PIP5K1B: variants seen among roughly 807,000 people sequenced by gnomAD.
PIP5K1B encodes the protein phosphatidylinositol 4-phosphate 5-kinase type-1 beta.
In PIP5K1B, 42 loss-of-function variants were observed where a neutral mutation model predicts 67.0. The ratio of observed to expected loss-of-function variants is 0.63; its 90% confidence interval spans 0.49 to 0.81. The LOEUF is 0.81. Ranked by LOEUF, PIP5K1B falls within the 30% of genes least tolerant of loss-of-function variation. The probability of loss-of-function intolerance (pLI) is 0.00; values close to 1 mark genes in which losing one functional copy is unlikely to be tolerated. For synonymous variants in PIP5K1B, 214 were observed against 231.4 expected, an observed-to-expected ratio of 0.92 and a Z score of 0.68; for missense variants, 459 against 646.3, an observed-to-expected ratio of 0.71 and a Z score of 3.14.
At chr9:68,991,056 A>G in intron 14 of PIP5K1B, 84 bp from the exon 15 acceptor site, 1 of 783,806 alleles carries the variant, frequency 1.3e-6, no homozygotes, top group East Asian at 2.4e-5. Context: ...AAAGCTGCCC[A>G]CCTCACCCTC....
intron 8 of PIP5K1B, among the ~76,000 whole-genome samples, chr9:68,904,082 AG>A (rs935157829): frequency 4.6e-5 from 7 of 152,222 alleles, no homozygotes; most frequent in Non-Finnish European, 8.8e-5. Flanking sequence ...TGACAGATAA[AG>A]AAGTGAATCC....
rs183387059 is a variant in PIP5K1B, at chr9:68,793,382, G to A, written c.-85-25079G>A. 2.6e-5 allele frequency among the ~76,000 whole-genome samples: 4 copies of A among 152,266 alleles called. No homozygotes were observed. In the East Asian group the frequency reaches 5.8e-4, roughly 22 times the overall value. ...GAATAGACTCTGAGGGCGTGGTAGA[G>A]GCAGGGGGACCAATTAGGAGGCTAT... On this transcript the variant is annotated intron_variant, in intron 2 of 15. Coordinates refer to ENST00000265382, the MANE Select transcript of PIP5K1B (RefSeq NM_003558.4).
At chr9:68,875,696 T>C (rs1217870667) in intron 5 of PIP5K1B, among the ~76,000 whole-genome samples, 1 of 152,218 alleles carries the variant, frequency 6.6e-6, no homozygotes, top group Non-Finnish European at 1.5e-5. Flanking sequence ...TAAACTTGCA[T>C]AGGCTCTCAA....
intron 14 of PIP5K1B, among the ~76,000 whole-genome samples, chr9:68,946,282 C>G (rs1022219679): frequency 1.3e-5 from 2 of 152,234 alleles, no homozygotes; most frequent in Non-Finnish European, 2.9e-5. Context: ...TTGCAGCTAC[C>G]TGCCATACCT....
In PIP5K1B at chr9:68,773,786, A is replaced by G. The variant is rs934101330; in HGVS notation, c.-86+31129A>G. 1.6e-4 allele frequency among the ~76,000 whole-genome samples: 25 copies of G among 152,206 alleles called. 1 individual carries two copies. Among genetic ancestry groups the G allele is most frequent in the African/African-American group, 5.5e-4 (23 of 41,454 alleles). On this transcript the variant is annotated intron_variant, in intron 2 of 15. Coordinates refer to ENST00000265382, the MANE Select transcript of PIP5K1B (RefSeq NM_003558.4). ...GAAGTTTTAAGGATTAGATTAAGCA[A>G]TTTTAAGGTAGATAACATAGAGGGT... is the stretch of plus-strand genomic sequence containing the variant.
chr9:68,919,807 T>C, intron 11 of PIP5K1B, 78 bp downstream of exon 11: 1 of 800,324 alleles, frequency 1.2e-6, no homozygotes, highest in Non-Finnish European at 2.1e-6. Flanking sequence ...CAGGAAACTG[T>C]GTTGCTAGAC....
intron 2 of PIP5K1B, among the ~76,000 whole-genome samples, chr9:68,759,780 T>C (rs1486445966): frequency 6.6e-6 from 1 of 152,108 alleles, no homozygotes; most frequent in Non-Finnish European, 1.5e-5. Context: ...TTACTTTTTA[T>C]ATTGATTTCA....
intron 6 of PIP5K1B, among the ~76,000 whole-genome samples, chr9:68,880,901 C>A (rs1824169457): frequency 6.6e-6 from 1 of 152,202 alleles, no homozygotes; most frequent in Non-Finnish European, 1.5e-5. Flanking sequence ...TCTGGAAGCT[C>A]ACCTCCAAAC....
At chr9:68,867,135 A>C (rs111577374) in intron 5 of PIP5K1B, among the ~76,000 whole-genome samples, 2,723 of 137,580 alleles carry the variant, frequency 0.02, 75 homozygotes, top group African/African-American at 0.059. Context: ...ATAAAAGTCT[A>C]TATCTTCCCT....
chr9:68,968,503 C>CAAAA (rs35997709), intron 14 of PIP5K1B, among the ~76,000 whole-genome samples: 2 of 132,092 alleles, frequency 1.5e-5, no homozygotes, highest in African/African-American at 2.9e-5. Context: ...GACTCTGTCT[C>CAAAA]AAAAAAAAAA....
chr9:68,968,061 C>T (rs1315863778), intron 14 of PIP5K1B, among the ~76,000 whole-genome samples: 1 of 152,184 alleles, frequency 6.6e-6, no homozygotes, highest in African/African-American at 2.4e-5. Context: ...AGACTCAGAT[C>T]TGGCTCAGAA....
intron 14 of PIP5K1B, among the ~76,000 whole-genome samples, chr9:68,987,821 A>G (rs1830158377): frequency 1.3e-5 from 2 of 152,126 alleles, no homozygotes; most frequent in Admixed American, 1.3e-4. Flanking sequence ...AACTCATGAG[A>G]CTTATTCACT....
intron 12 of PIP5K1B, among the ~76,000 whole-genome samples, chr9:68,932,059 A>AT (rs756487828): frequency 6.6e-6 from 1 of 152,132 alleles, no homozygotes; most frequent in Non-Finnish European, 1.5e-5. Flanking sequence ...TCTGCTCCTC[A>AT]TTATACGTGA....
At chr9:68,940,619 G>A (rs1197519069) in intron 13 of PIP5K1B, 27 bp from the exon 14 acceptor site, 1 of 1,605,988 alleles carries the variant, frequency 6.2e-7, no homozygotes. Flanking sequence ...TGAGATTCAT[G>A]AATGTGTGTG....
rs962934997 is a variant in PIP5K1B, at chr9:68,862,826, T to A, written c.70-1011T>A. ...TAAAAAATAAATAAATAAATAAATA[T>A]ATATATATATATAGAAGTGGCTCCA... On this transcript the variant is annotated intron_variant, in intron 4 of 15. Coordinates refer to ENST00000265382, the MANE Select transcript of PIP5K1B (RefSeq NM_003558.4). 1.3e-3 allele frequency among the ~76,000 whole-genome samples: 194 copies of A among 148,554 alleles called. 1 individual carries two copies. The highest frequency in any genetic ancestry group is 1.6e-3 in the Non-Finnish European group (110 of 67,018).
chr9:68,847,339 G>A (rs1822240851), intron 4 of PIP5K1B, among the ~76,000 whole-genome samples: 1 of 149,810 alleles, frequency 6.7e-6, no homozygotes, highest in South Asian at 2.1e-4. Flanking sequence ...AAGTTTCCAT[G>A]CTGGTTTCCA....
At chr9:68,946,615 C>T (rs914241157) in intron 14 of PIP5K1B, among the ~76,000 whole-genome samples, 5 of 151,858 alleles carry the variant, frequency 3.3e-5, no homozygotes, top group East Asian at 1.9e-4. Flanking sequence ...AGGATGGTCT[C>T]GATCTCCTGA....
chr9:68,942,432 G>GGTTTT (rs1336160359), intron 14 of PIP5K1B, among the ~76,000 whole-genome samples: 8 of 152,104 alleles, frequency 5.3e-5, no homozygotes. Context: ...ACAATAAAAG[G>GGTTTT]GTTTTGTTTT....
chr9:68,993,924 A>C (rs537295163), intron 15 of PIP5K1B, among the ~76,000 whole-genome samples: 40 of 152,196 alleles, frequency 2.6e-4, no homozygotes, highest in African/African-American at 9.6e-4. Context: ...TCTCACGTCC[A>C]TCTCATTGGA....
Sources: allele counts gnomAD v4.1 joint callset (sites outside exome capture counted in the v4.1 genomes callset), GRCh38; gene constraint gnomAD v4.1.1; transcripts MANE v1.5; gene names NCBI Gene and HGNC (gene_info 2026-07-23, HGNC 2026-07-21).